WNT11: variants seen among roughly 807,000 people sequenced by gnomAD.
WNT11 encodes the protein Wnt family member 11.
Under a neutral mutation model 35.6 loss-of-function variants are expected in WNT11, and 20 were observed. That is an observed-to-expected ratio of 0.56 (90% CI 0.40 to 0.82). The LOEUF is 0.82. Among genes scored for constraint, WNT11 ranks in the 40% least tolerant of loss-of-function variants. The probability of loss-of-function intolerance (pLI) is 0.00; values close to 1 mark genes in which losing one functional copy is unlikely to be tolerated. For missense variants in WNT11, 459 were observed against 504.4 expected, an observed-to-expected ratio of 0.91 and a Z score of 0.86; for synonymous variants, 200 against 211.9, an observed-to-expected ratio of 0.94 and a Z score of 0.49.
chr11:76,199,981 G>A (rs1163563707), intron 1 of WNT11, among the ~76,000 whole-genome samples: 1 of 152,108 alleles, frequency 6.6e-6, no homozygotes, highest in African/African-American at 2.4e-5. Context: ...GACCTCTCAG[G>A]GTCCTGCCAA....
intron 2 of WNT11, chr11:76,195,100 T>C: frequency 2.0e-6 from 1 of 498,444 alleles, no homozygotes; most frequent in Non-Finnish European, 3.5e-6. Context: ...AGCTCTAGGC[T>C]TCCACCCACT....
At chr11:76,208,987 A>G (rs1052374144), upstream of WNT11, among the ~76,000 whole-genome samples, 3 of 152,068 alleles carry the variant, frequency 2.0e-5, no homozygotes, top group African/African-American at 7.2e-5. Flanking sequence ...GGGCTCGAGG[A>G]GGGGGGAATC....
intron 4 of WNT11, among the ~76,000 whole-genome samples, chr11:76,188,980 A>C (rs1454259937): frequency 6.6e-6 from 1 of 152,192 alleles, no homozygotes; most frequent in Non-Finnish European, 1.5e-5. Flanking sequence ...CATGGGCAGA[A>C]GGAGGGGAGC....
intron 4 of WNT11, among the ~76,000 whole-genome samples, chr11:76,191,342 C>T (rs893693888): frequency 6.6e-6 from 1 of 152,196 alleles, no homozygotes; most frequent in African/African-American, 2.4e-5. Context: ...TTCACTGGCC[C>T]CTGCCAGGTG....
At chr11:76,195,585 G>C (rs1010045646) in intron 2 of WNT11, among the ~76,000 whole-genome samples, 6 of 152,186 alleles carry the variant, frequency 3.9e-5, no homozygotes, top group Non-Finnish European at 5.9e-5. Flanking sequence ...CCAGAACTTT[G>C]AGACAATACA....
At chr11:76,202,175 C>T (rs1306375154) in intron 1 of WNT11, among the ~76,000 whole-genome samples, 1 of 152,226 alleles carries the variant, frequency 6.6e-6, no homozygotes, top group Non-Finnish European at 1.5e-5. Flanking sequence ...CCATCAGCGC[C>T]ACCCAGAATG....
chr11:76,209,054 C>T (rs1829086185), upstream of WNT11, among the ~76,000 whole-genome samples: 1 of 152,184 alleles, frequency 6.6e-6, no homozygotes, highest in Admixed American at 6.5e-5. Flanking sequence ...GCCCCCGCTT[C>T]TCCGTCTGGG....
upstream of WNT11, among the ~76,000 whole-genome samples, chr11:76,210,129 C>T (rs1953541385): frequency 6.6e-6 from 1 of 151,606 alleles, no homozygotes; most frequent in Non-Finnish European, 1.5e-5. Flanking sequence ...CCTCATCCGC[C>T]GAACGACTGG....
At chr11:76,191,523 C>A (rs1303442083) in intron 4 of WNT11, 41 bp downstream of exon 4, 2 of 1,588,184 alleles carry the variant, frequency 1.3e-6, no homozygotes, top group Admixed American at 1.7e-5. Context: ...GTATGTGCAA[C>A]ACCAGTGACC....
intron 1 of WNT11, among the ~76,000 whole-genome samples, chr11:76,201,654 G>T (rs971159044): frequency 2.6e-5 from 4 of 152,180 alleles, no homozygotes; most frequent in Non-Finnish European, 5.9e-5. Context: ...GGAGTTGGGG[G>T]CCTTGCTGGG....
rs192989672 is a variant in WNT11, at chr11:76,194,214, C to T, written c.597+353G>A. Among the ~76,000 whole-genome samples, 113 of 152,060 alleles carry T rather than the reference C, an allele frequency of 7.4e-4. No homozygotes were observed. Among genetic ancestry groups the T allele is most frequent in the African/African-American group, 2.6e-3 (109 of 41,474 alleles). ...GGACTCAGCACCAGGTCACCCCCAC[C>T]ATTTCATAGATGGGAACAGCTGAGG... On this transcript the variant is annotated intron_variant, in intron 3 of 4. Coordinates refer to ENST00000322563, the MANE Select transcript of WNT11 (RefSeq NM_004626.3). The surrounding 1 kb of genome is among the most constrained non-coding windows in gnomAD (Gnocchi z 5.4).
In WNT11 at chr11:76,191,862, G is replaced by T; in HGVS notation, c.598-6C>A. The T allele has an allele frequency of 6.3e-7, 1 of 1,592,484 alleles. No individual in the cohort carries two copies. The highest frequency in any genetic ancestry group is 1.1e-5 in the South Asian group (1 of 90,726). ...TCCAGAGAGGCGCGCAGAGCCTGCG[G>T]ACAGGGGAAGGCGTCAGCTGGGTGG... On this transcript the variant is annotated splice_polypyrimidine_tract_variant and splice_region_variant and intron_variant, in intron 3 of 4. Transcript: ENST00000322563.
chr11:76,200,930 C>T (rs1218148894), intron 1 of WNT11, among the ~76,000 whole-genome samples: 2 of 152,246 alleles, frequency 1.3e-5, no homozygotes, highest in Non-Finnish European at 2.9e-5. Context: ...CCGGCTCAAG[C>T]CACGGGGTGG....
rs955609287 is a variant in WNT11, at chr11:76,206,374, G to A, written c.34C>T (p.Leu12Phe). The A allele has an allele frequency of 6.4e-7, 1 of 1,558,790 alleles. No individual in the cohort carries two copies. The highest frequency in any genetic ancestry group is 8.6e-7 in the Non-Finnish European group (1 of 1,158,192). The change falls in exon 1 of 5, where the codon CTC becomes TTC. Residue 12 changes from leucine (L) to phenylalanine (F), a missense_variant. Physicochemically the swap from Leu to Phe is conservative, Grantham distance 22. Coordinates refer to ENST00000322563, the MANE Select transcript of WNT11 (RefSeq NM_004626.3). Reference protein sequence around the residue: ...RARPQVCEALLFALALQTGVC... With the variant: ...RARPQVCEALFFALALQTGVC... ...CCGGTCTGGAGCGCCAGGGCGAAGA[G>A]CAGCGCCTCGCAGACCTGCGGCCGC...
Position 76,187,258 on chromosome 11 carries a change from G to A in WNT11, c.891-19C>T, listed in dbSNP as rs1826008499. 1.0e-5 allele frequency: 16 copies of A among 1,597,482 alleles called. No homozygotes were observed. Among genetic ancestry groups the A allele is most frequent in the Non-Finnish European group, 1.4e-5 (16 of 1,178,254 alleles). On this transcript the variant is annotated intron_variant, in intron 4 of 4. Transcript: ENST00000322563. ...GCACTGCCTATTGTGGGGGCAGGAA[G>A]GAGGTCAGTGCATGCCTTGGTCACC...
chr11:76,198,016 G>A (rs1953315696), intron 1 of WNT11, among the ~76,000 whole-genome samples: 1 of 152,218 alleles, frequency 6.6e-6, no homozygotes, highest in African/African-American at 2.4e-5. Context: ...GAAGTGCTGA[G>A]TGCCCCGCCT....
intron 4 of WNT11, among the ~76,000 whole-genome samples, chr11:76,190,030 G>A (rs1402215432): frequency 4.0e-5 from 6 of 149,128 alleles, no homozygotes; most frequent in Non-Finnish European, 7.5e-5. Flanking sequence ...TGGGAGAGAG[G>A]GGCCTGGCAG....
intron 1 of WNT11, among the ~76,000 whole-genome samples, chr11:76,205,735 T>C (rs538671903): frequency 1.3e-5 from 2 of 152,130 alleles, no homozygotes; most frequent in Non-Finnish European, 2.9e-5. Context: ...GCGTGAATAA[T>C]TTCTATCTAA....
At chr11:76,206,137 G>C (rs1157115043) in intron 1 of WNT11, among the ~76,000 whole-genome samples, 188 bp downstream of exon 1, 2 of 152,028 alleles carry the variant, frequency 1.3e-5, no homozygotes, top group Admixed American at 6.5e-5. Context: ...CTCCCTTTTC[G>C]CAAGCCTGCG....
Sources: gnomAD v4.1 joint callset for allele counts (sites outside exome capture counted in the v4.1 genomes callset) on GRCh38, gnomAD v4.1.1 for gene constraint, Gnocchi (gnomAD v3.1) non-coding constraint, MANE v1.5 for transcripts, NCBI Gene and HGNC (gene_info 2026-07-23, HGNC 2026-07-21) for gene names.